Variants in FUT8 observed in about 807,000 individuals in gnomAD.
FUT8 encodes alpha-(1,6)-fucosyltransferase.
Under a neutral mutation model 71.3 loss-of-function variants are expected in FUT8, and 29 were observed. The ratio of observed to expected loss-of-function variants is 0.41; its 90% CI spans 0.30 to 0.55. The LOEUF (loss-of-function observed/expected upper bound fraction) is 0.55. Among genes scored for constraint, FUT8 ranks in the 20% least tolerant of loss-of-function variants. FUT8 has a pLI of 0.34. For missense variants in FUT8, 544 were observed against 702.1 expected, an observed-to-expected ratio of 0.77 and a Z score of 2.55; for synonymous variants, 254 against 239.3, an observed-to-expected ratio of 1.06 and a Z score of -0.57.
chr14:65,523,503 A>G (rs940407843), intron 2 of FUT8, among the ~76,000 whole-genome samples: 9 of 151,710 alleles, frequency 5.9e-5, no homozygotes, highest in African/African-American at 1.2e-4. Flanking sequence ...GATTGCAAAA[A>G]TTTTCTCCCA....
chr14:65,362,759 G>A, the FUT8 span, among the ~76,000 whole-genome samples: 2 of 151,654 alleles, frequency 1.3e-5, no homozygotes, highest in South Asian at 2.1e-4. Context: ...TCAGGAGATC[G>A]AGACCATCCT....
intron 6 of FUT8, among the ~76,000 whole-genome samples, chr14:65,635,625 G>T (rs1389304806): frequency 6.6e-6 from 1 of 152,064 alleles, no homozygotes; most frequent in Admixed American, 6.6e-5. Context: ...TTTTTATGTG[G>T]TGTATGACAT....
chr14:65,382,367 C>T, the FUT8 span, among the ~76,000 whole-genome samples: 1 of 152,156 alleles, frequency 6.6e-6, no homozygotes, highest in African/African-American at 2.4e-5. Flanking sequence ...GACAGAGTCT[C>T]GCTCTATCAC....
chr14:65,453,795 C>G (rs889110583), intron 1 of FUT8, among the ~76,000 whole-genome samples: 6 of 152,070 alleles, frequency 3.9e-5, no homozygotes, highest in African/African-American at 1.4e-4. Flanking sequence ...TCAAGTGGAC[C>G]CCAATGTACA....
At chr14:65,495,078 T>A (rs949491195) in intron 2 of FUT8, among the ~76,000 whole-genome samples, 9 of 151,998 alleles carry the variant, frequency 5.9e-5, no homozygotes, top group African/African-American at 2.2e-4. Flanking sequence ...AGGGACTTTG[T>A]ACCTCTTTCT....
intron 3 of FUT8, among the ~76,000 whole-genome samples, chr14:65,578,976 A>T (rs2140106187): frequency 6.6e-6 from 1 of 152,282 alleles, no homozygotes; most frequent in African/African-American, 2.4e-5. Flanking sequence ...GATTGTAATA[A>T]GGTTGGTGAA....
At chr14:65,458,562 A>G (rs1240108745) in intron 2 of FUT8, among the ~76,000 whole-genome samples, 2 of 152,196 alleles carry the variant, frequency 1.3e-5, no homozygotes, top group African/African-American at 4.8e-5. Context: ...AGGTCTTGAG[A>G]AAGTATTATG....
chr14:65,487,984 C>T (rs979173872), intron 2 of FUT8, among the ~76,000 whole-genome samples: 10 of 152,082 alleles, frequency 6.6e-5, no homozygotes, highest in South Asian at 4.1e-4. Flanking sequence ...TGTGCCACCA[C>T]GTCTGGCTAA....
intron 2 of FUT8, among the ~76,000 whole-genome samples, chr14:65,521,567 C>G (rs1883082461): frequency 6.6e-6 from 1 of 152,130 alleles, no homozygotes; most frequent in African/African-American, 2.4e-5. Flanking sequence ...TGGTGAGGGA[C>G]ATAGCTGTGG....
At chr14:65,610,199 C>A (rs1594813865) in intron 3 of FUT8, among the ~76,000 whole-genome samples, 1 of 151,732 alleles carries the variant, frequency 6.6e-6, no homozygotes, top group Non-Finnish European at 1.5e-5. Flanking sequence ...TTTTTCTTGC[C>A]TTGGTCTACT....
At chr14:65,590,163 T>C (rs575880932) in intron 3 of FUT8, among the ~76,000 whole-genome samples, 1 of 152,294 alleles carries the variant, frequency 6.6e-6, no homozygotes, top group South Asian at 2.1e-4. Context: ...AGTTAACATT[T>C]TTTTTCTTCA....
chr14:65,691,600 T>C (rs1893596327), intron 7 of FUT8, among the ~76,000 whole-genome samples: 1 of 151,900 alleles, frequency 6.6e-6, no homozygotes, highest in Non-Finnish European at 1.5e-5. Context: ...TATAATTCTT[T>C]ATTTATTTAT....
intron 7 of FUT8, among the ~76,000 whole-genome samples, chr14:65,691,203 T>C (rs1893568576): frequency 6.6e-6 from 1 of 151,274 alleles, no homozygotes; most frequent in Non-Finnish European, 1.5e-5. Flanking sequence ...TAGTTTTATG[T>C]CTTCCTTCCC....
At chr14:65,363,640 G>A in the FUT8 span, among the ~76,000 whole-genome samples, 1 of 152,184 alleles carries the variant, frequency 6.6e-6, no homozygotes, top group Non-Finnish European at 1.5e-5. Context: ...CAAGAAATGA[G>A]CATCCTTGCC....
At chr14:65,576,892 G>T (rs2140099423) in intron 3 of FUT8, among the ~76,000 whole-genome samples, 1 of 151,758 alleles carries the variant, frequency 6.6e-6, no homozygotes, top group Non-Finnish European at 1.5e-5. Context: ...GCTAATTTTT[G>T]TACTTTTCAT....
intron 3 of FUT8, among the ~76,000 whole-genome samples, chr14:65,571,044 C>A (rs539268231): frequency 6.6e-6 from 1 of 152,220 alleles, no homozygotes; most frequent in South Asian, 2.1e-4. Flanking sequence ...TATAAATCTT[C>A]TTCCACCATG....
chr14:65,529,740 A>T (rs942592332), intron 2 of FUT8, among the ~76,000 whole-genome samples: 3 of 152,222 alleles, frequency 2.0e-5, no homozygotes, highest in African/African-American at 7.2e-5. Flanking sequence ...GCTCAGTGGC[A>T]GCAAATCTTT....
rs144404676 is a variant in FUT8, at chr14:65,562,200, A to C, written c.203+434A>C. ...TAATGTAGAAAAACTATGCCATTTCATTTATATACTTACATTTCATTTACA... is the reference window on the plus strand; with the variant it reads ...TAATGTAGAAAAACTATGCCATTTCCTTTATATACTTACATTTCATTTACA... On this transcript the variant is annotated intron_variant, in intron 3 of 10. Transcript: ENST00000673929. 3.0e-3 allele frequency among the ~76,000 whole-genome samples: 451 copies of C among 152,204 alleles called. 5 individuals carry two copies. The highest frequency in any genetic ancestry group is 9.9e-3 in the African/African-American group (411 of 41,556).
intron 3 of FUT8, among the ~76,000 whole-genome samples, chr14:65,567,884 T>C (rs1356451855): frequency 6.6e-6 from 1 of 151,956 alleles, no homozygotes; most frequent in Non-Finnish European, 1.5e-5. Flanking sequence ...ATTTATGATT[T>C]TTCCTTCTTG....
Sources: gnomAD v4.1 joint callset for allele counts (sites outside exome capture counted in the v4.1 genomes callset) on GRCh38, gnomAD v4.1.1 for gene constraint, MANE v1.5 for transcripts, NCBI Gene and HGNC (gene_info 2026-07-23, HGNC 2026-07-21) for gene names.